EBAG9: variants seen among roughly 807,000 people sequenced by gnomAD.
EBAG9 encodes the protein estrogen receptor binding site associated antigen 9.
Under a neutral mutation model 30.9 loss-of-function variants are expected in EBAG9, and 16 were observed. The observed-to-expected ratio is 0.52, with a 90% CI of 0.35 to 0.79. The LOEUF (loss-of-function observed/expected upper bound fraction) is 0.79. EBAG9 is among the 30% of genes least tolerant of loss of function. The pLI is 0.01. For missense variants in EBAG9, 197 were observed against 242.1 expected (o/e 0.81, Z 1.24); for synonymous variants, 93 against 82.8 (o/e 1.12, Z -0.67).
chr8:109,559,225 G>A (rs1293178944), intron 5 of EBAG9, among the ~76,000 whole-genome samples: 1 of 152,132 alleles, frequency 6.6e-6, no homozygotes, highest in Non-Finnish European at 1.5e-5. Flanking sequence ...GGGAGGCCAA[G>A]GCGGGCAGGT....
rs932434346 is a variant in EBAG9, at chr8:109,554,648, C to T, written c.163-81C>T. On this transcript the variant is annotated intron_variant, in intron 3 of 6. Transcript: ENST00000337573. ...GTTTGAAAACCAGTGTTTTAGAAAGCCCATTTTTCTAATAAATCATCAATG... is the reference window on the plus strand; with the variant it reads ...GTTTGAAAACCAGTGTTTTAGAAAGTCCATTTTTCTAATAAATCATCAATG... The T allele has an allele frequency of 6.4e-6, 9 of 1,397,672 alleles. No homozygotes were observed. In the African/African-American group the frequency reaches 7.2e-5, roughly 11 times the overall value. 86.6% of individuals were successfully genotyped at this position (1,397,672 alleles called of 1,614,324 possible). A position where few individuals can be genotyped will look rare whatever the true frequency, so the allele number is the denominator to read the frequency against.
chr8:109,564,469 A>G lies in EBAG9; in HGVS notation c.552A>G (p.Arg184=). 6.2e-7 allele frequency: 1 copy of G among 1,612,842 alleles called. No individual in the cohort carries two copies. Among genetic ancestry groups the G allele is most frequent in the Non-Finnish European group, 8.5e-7 (1 of 1,179,082 alleles). ...RQQKLADREK[R]AAEQQRKKME... ...AGAAACTAGCAGACAGAGAAAAGAG[A>G]GCAGCCGAACAACAAAGGAAGAAAA... The change falls in exon 7 of 7, where the codon AGA becomes AGG. Residue 184 remains arginine, a synonymous_variant. Transcript: ENST00000337573.
At chr8:109,542,501 T>G (rs1402725268) in intron 1 of EBAG9, among the ~76,000 whole-genome samples, 5 of 152,214 alleles carry the variant, frequency 3.3e-5, no homozygotes, top group Non-Finnish European at 4.4e-5. Context: ...CTTCACAACA[T>G]ACTGATAGAG....
intron 1 of EBAG9, among the ~76,000 whole-genome samples, chr8:109,545,672 C>T (rs1465132119): frequency 1.3e-5 from 2 of 152,092 alleles, no homozygotes; most frequent in Admixed American, 1.3e-4. Context: ...ATAGTTTTAT[C>T]ATTTTTAGAA....
intron 5 of EBAG9, among the ~76,000 whole-genome samples, chr8:109,558,247 A>G (rs1821640458): frequency 6.6e-6 from 1 of 152,136 alleles, no homozygotes; most frequent in Admixed American, 6.5e-5. Flanking sequence ...GTTTTTACTA[A>G]AGCCAGGCCC....
intron 1 of EBAG9, among the ~76,000 whole-genome samples, chr8:109,543,859 C>T (rs376161204): frequency 9.2e-5 from 14 of 151,922 alleles, no homozygotes; most frequent in African/African-American, 3.1e-4. Flanking sequence ...GGCGAAACCC[C>T]GTCTCTAGTA....
intron 4 of EBAG9, 27 bp from the exon 5 acceptor site, chr8:109,556,908 A>G (rs750861557): frequency 1.0e-5 from 14 of 1,355,420 alleles, no homozygotes; most frequent in Middle Eastern, 2.2e-4. Context: ...AAAGATCCCT[A>G]TAATTCTTTT....
At chr8:109,551,489 AG>A (rs1320590118) in intron 2 of EBAG9, among the ~76,000 whole-genome samples, 3 of 152,184 alleles carry the variant, frequency 2.0e-5, no homozygotes, top group Non-Finnish European at 4.4e-5. Flanking sequence ...ATGTGTGCTG[AG>A]GCACCTCAGG....
At chr8:109,557,870 C>A in intron 5 of EBAG9, 1 of 288,702 alleles carries the variant, frequency 3.5e-6, no homozygotes, top group Non-Finnish European at 7.2e-6. Flanking sequence ...CTGTGCACCT[C>A]TCCAAGGAGC....
intron 1 of EBAG9, chr8:109,550,600 T>C (rs1011259445): frequency 2.9e-5 from 12 of 414,238 alleles, no homozygotes; most frequent in Non-Finnish European, 5.1e-5. Context: ...TGAAGGGTTT[T>C]ATCCTTACAA....
intron 5 of EBAG9, among the ~76,000 whole-genome samples, chr8:109,560,347 A>C (rs1821685817): frequency 6.6e-6 from 1 of 152,130 alleles, no homozygotes; most frequent in Non-Finnish European, 1.5e-5. Flanking sequence ...CCAATAAAAA[A>C]TCTCCAGTAA....
intron 1 of EBAG9, among the ~76,000 whole-genome samples, chr8:109,548,106 T>A (rs945306906): frequency 6.6e-6 from 1 of 152,150 alleles, no homozygotes; most frequent in Non-Finnish European, 1.5e-5. Flanking sequence ...TCTTGCAAAT[T>A]TTGTAGTTTC....
chr8:109,544,714 A>G (rs1563652479), intron 1 of EBAG9, among the ~76,000 whole-genome samples: 3 of 152,128 alleles, frequency 2.0e-5, no homozygotes, highest in South Asian at 4.1e-4. Context: ...TTGCCTGTGT[A>G]TTTCTTGTGA....
intron 1 of EBAG9, among the ~76,000 whole-genome samples, chr8:109,544,066 A>G (rs1821335133): frequency 6.6e-6 from 1 of 151,618 alleles, no homozygotes; most frequent in Admixed American, 6.6e-5. Flanking sequence ...ATGTTATAGT[A>G]CAGGGATGGT....
At chr8:109,540,782 G>T (rs1182186961) in intron 1 of EBAG9, 2 of 152,138 alleles carry the variant, frequency 1.3e-5, no homozygotes, top group East Asian at 3.8e-4. Flanking sequence ...ACCCACTTCA[G>T]AGAGTTATAG....
At chr8:109,550,681 T>TAAATTTTACTA in intron 1 of EBAG9, 129 bp from the exon 2 acceptor site, 2 of 624,294 alleles carry the variant, frequency 3.2e-6, no homozygotes. Flanking sequence ...AAATTTACTG[T>TAAATTTTACTA]GTTATAGTTT....
chr8:109,559,388 G>A (rs1821667204), intron 5 of EBAG9, among the ~76,000 whole-genome samples: 1 of 152,148 alleles, frequency 6.6e-6, no homozygotes, highest in South Asian at 2.1e-4. Context: ...AACCCAAGAG[G>A]TCGAGGCTGC....
intron 6 of EBAG9, chr8:109,563,303 C>T (rs1197797253): frequency 7.1e-6 from 10 of 1,410,100 alleles, no homozygotes; most frequent in Non-Finnish European, 9.6e-6. Context: ...CTGCATATAA[C>T]CTAATGTTGC....
At chr8:109,542,793 T>G (rs571250304) in intron 1 of EBAG9, among the ~76,000 whole-genome samples, 7 of 152,270 alleles carry the variant, frequency 4.6e-5, no homozygotes, top group African/African-American at 1.4e-4. Flanking sequence ...AATAAAATAC[T>G]CTAGAGAAGG....
Sources: allele counts gnomAD v4.1 joint callset (sites outside exome capture counted in the v4.1 genomes callset), GRCh38; gene constraint gnomAD v4.1.1; transcripts MANE v1.5; gene names NCBI Gene and HGNC (gene_info 2026-07-23, HGNC 2026-07-21).